Variants in TMEM132D observed in about 807,000 individuals in gnomAD.
TMEM132D encodes transmembrane protein 132D.
TMEM132D carries 21 observed loss-of-function variants against 62.3 expected under a neutral mutation model. The ratio of observed to expected loss-of-function variants is 0.34; its 90% CI spans 0.24 to 0.49. The LOEUF is 0.49. Ranked by LOEUF, TMEM132D falls within the 20% of genes least tolerant of loss-of-function variation. The pLI, the probability that TMEM132D is intolerant of heterozygous loss-of-function variation, is 0.99. For missense variants in TMEM132D, 1,346 were observed against 1,402.8 expected, an observed-to-expected ratio of 0.96 and a Z score of 0.65; for synonymous variants, 621 against 575.6, an observed-to-expected ratio of 1.08 and a Z score of -1.13.
chr12:129,177,424 AG>A (rs1183738990), intron 5 of TMEM132D, among the ~76,000 whole-genome samples: 6 of 152,188 alleles, frequency 3.9e-5, no homozygotes, highest in Admixed American at 3.9e-4. Flanking sequence ...GATAGGGAAA[AG>A]TAGATTAGGA....
At chr12:129,896,304 G>A (rs1002821217) in intron 1 of TMEM132D, among the ~76,000 whole-genome samples, 16 of 152,012 alleles carry the variant, frequency 1.1e-4, no homozygotes, top group African/African-American at 1.4e-4. Flanking sequence ...TTCCTGTCTC[G>A]TGCCTTCTGC....
chr12:129,307,580 G>C (rs1444387455), intron 4 of TMEM132D, among the ~76,000 whole-genome samples: 1 of 152,004 alleles, frequency 6.6e-6, no homozygotes, highest in East Asian at 1.9e-4. Flanking sequence ...CCATACACAG[G>C]TCCTCCATAC....
intron 5 of TMEM132D, among the ~76,000 whole-genome samples, chr12:129,159,210 G>C (rs10773603): frequency 0.99 from 150,618 of 152,284 alleles, 74,510 homozygotes; most frequent in East Asian, 1. Flanking sequence ...CTGGGAAGTG[G>C]AGTTTTAATT....
At chr12:129,770,206 C>T (rs921510254) in intron 1 of TMEM132D, among the ~76,000 whole-genome samples, 2 of 132,088 alleles carry the variant, frequency 1.5e-5, no homozygotes, top group African/African-American at 2.7e-5. Context: ...TGCAGTGGCA[C>T]AATCTCGGCT....
intron 1 of TMEM132D, among the ~76,000 whole-genome samples, chr12:129,702,931 T>G (rs1881417486): frequency 6.6e-6 from 1 of 152,214 alleles, no homozygotes; most frequent in Admixed American, 6.5e-5. Context: ...TCCTGGATCC[T>G]TTTATCCCAT....
At chr12:129,430,739 G>A (rs1228437818) in intron 3 of TMEM132D, among the ~76,000 whole-genome samples, 3 of 152,188 alleles carry the variant, frequency 2.0e-5, no homozygotes, top group Admixed American at 6.5e-5. Flanking sequence ...CATAATAAAC[G>A]CTGGTGAACT....
intron 2 of TMEM132D, among the ~76,000 whole-genome samples, chr12:129,638,473 T>C (rs925210478): frequency 2.7e-5 from 3 of 110,222 alleles, no homozygotes; most frequent in African/African-American, 9.7e-5. Context: ...AATCACACTA[T>C]ATATATAGTG....
At chr12:129,489,315 G>A (rs1025979238) in intron 3 of TMEM132D, among the ~76,000 whole-genome samples, 2 of 152,152 alleles carry the variant, frequency 1.3e-5, no homozygotes, top group Non-Finnish European at 2.9e-5. Context: ...AGCAGACATT[G>A]GCATTTCTGG....
At chr12:129,221,645 C>A (rs1879348382) in intron 4 of TMEM132D, among the ~76,000 whole-genome samples, 1 of 152,136 alleles carries the variant, frequency 6.6e-6, no homozygotes, top group African/African-American at 2.4e-5. Context: ...CCCTTTCTTC[C>A]TCAATGTGTC....
intron 1 of TMEM132D, among the ~76,000 whole-genome samples, chr12:129,709,182 C>A (rs1016582594): frequency 2.0e-5 from 3 of 152,124 alleles, no homozygotes; most frequent in African/African-American, 4.8e-5. Flanking sequence ...GAATCATGGT[C>A]GGGGTCAAAT....
intron 3 of TMEM132D, among the ~76,000 whole-genome samples, chr12:129,439,350 T>C (rs527401559): frequency 1.3e-5 from 2 of 152,266 alleles, no homozygotes; most frequent in East Asian, 3.9e-4. Context: ...ACCCCCTTTC[T>C]CTCCTCCATT....
chr12:129,504,146 C>G (rs1875258012), intron 3 of TMEM132D, among the ~76,000 whole-genome samples: 1 of 152,016 alleles, frequency 6.6e-6, no homozygotes, highest in Admixed American at 6.6e-5. Flanking sequence ...ACCCTCATCA[C>G]CGTCATCATC....
chr12:129,780,764 G>A (rs534432081), intron 1 of TMEM132D, among the ~76,000 whole-genome samples: 14 of 152,214 alleles, frequency 9.2e-5, no homozygotes, highest in Admixed American at 2.6e-4. Flanking sequence ...CCATTCATCC[G>A]GTACCTTTTT....
intron 2 of TMEM132D, among the ~76,000 whole-genome samples, chr12:129,554,383 G>A (rs906290993): frequency 8.5e-5 from 13 of 152,170 alleles, no homozygotes; most frequent in Admixed American, 3.3e-4. Flanking sequence ...CATGGCCTAG[G>A]ATGGACAGCC....
At chr12:129,102,823 C>T (rs1421982213) in intron 5 of TMEM132D, among the ~76,000 whole-genome samples, 1 of 152,182 alleles carries the variant, frequency 6.6e-6, no homozygotes, top group Non-Finnish European at 1.5e-5. Flanking sequence ...TCATATTTGG[C>T]CCAAATGTCC....
intron 4 of TMEM132D, among the ~76,000 whole-genome samples, chr12:129,241,464 G>C (rs542858154): frequency 1.3e-5 from 2 of 152,098 alleles, no homozygotes; most frequent in Non-Finnish European, 2.9e-5. Flanking sequence ...TTTCTGATCT[G>C]TGTCTGCATG....
rs547019600 is a variant in TMEM132D at position 129,669,762 on chromosome 12, T to A, written c.968+30048A>T. The stretch of plus-strand genomic sequence containing the variant: ...TAAACAAACAAACAAAACTGGGATC[T>A]GTACTCCTCATCCTAGGACTCATTA... On this transcript the variant is annotated intron_variant, in intron 2 of 8. Coordinates refer to ENST00000422113, the MANE Select transcript of TMEM132D (RefSeq NM_133448.3). 5.9e-5 allele frequency among the ~76,000 whole-genome samples: 9 copies of A among 152,266 alleles called. No individual in the cohort carries two copies. The South Asian group carries it at 1.7e-3, about 28-fold the overall frequency.
Position 129,652,499 on chromosome 12 carries a change from G to A in TMEM132D, c.968+47311C>T, listed in dbSNP as rs146591586. 2.5e-3 allele frequency among the ~76,000 whole-genome samples: 387 copies of A among 152,250 alleles called. 4 individuals are homozygous for A. The East Asian group carries it at 0.045, about 18-fold the overall frequency. ...AGAGATCATCTTGGATTTTCTGAGCGGGCCTAATGACAAGGGTGTTTTAAA... is the reference window on the plus strand; with the variant it reads ...AGAGATCATCTTGGATTTTCTGAGCAGGCCTAATGACAAGGGTGTTTTAAA... On this transcript the variant is annotated intron_variant, in intron 2 of 8. Coordinates refer to ENST00000422113, the MANE Select transcript of TMEM132D (RefSeq NM_133448.3).
intron 4 of TMEM132D, among the ~76,000 whole-genome samples, chr12:129,274,661 C>T (rs1004727914): frequency 6.6e-5 from 10 of 151,902 alleles, no homozygotes; most frequent in East Asian, 1.9e-4. Context: ...CTGAGGCGGG[C>T]GGATCACAAG....
Sources: allele counts gnomAD v4.1 joint callset (sites outside exome capture counted in the v4.1 genomes callset), GRCh38; gene constraint gnomAD v4.1.1; transcripts MANE v1.5; gene names NCBI Gene and HGNC (gene_info 2026-07-23, HGNC 2026-07-21).